The following RARB variants were observed in gnomAD, a reference collection of about 807,000 sequenced individuals.
RARB encodes the protein HBV-activated protein.
A neutral mutation model predicts 51.9 loss-of-function variants in RARB; 17 were observed. That is an observed-to-expected ratio of 0.33 (90% CI 0.22 to 0.49). The LOEUF (loss-of-function observed/expected upper bound fraction) is 0.49, where lower values mean the gene tolerates loss of function less well. Among genes scored for constraint, RARB ranks in the 20% least tolerant of loss-of-function variants. The pLI is 0.99. For missense variants in RARB, 369 were observed against 550.8 expected (o/e 0.67, Z 3.30); for synonymous variants, 215 against 195.4 (o/e 1.10, Z -0.84).
intron 5 of RARB, among the ~76,000 whole-genome samples, chr3:25,336,439 T>C (rs1348065747): frequency 6.6e-6 from 1 of 152,218 alleles, no homozygotes; most frequent in Admixed American, 6.5e-5. Flanking sequence ...ATTTTATTCA[T>C]TTAGTATTTG....
At chr3:24,910,690 A>G (rs902892739) in intron 2 of RARB, among the ~76,000 whole-genome samples, 3 of 152,086 alleles carry the variant, frequency 2.0e-5, no homozygotes, top group Admixed American at 1.3e-4. Flanking sequence ...TTTCAACCCT[A>G]TATTTTTCAA....
intron 5 of RARB, among the ~76,000 whole-genome samples, chr3:25,303,809 T>C (rs1302552682): frequency 6.6e-6 from 1 of 152,198 alleles, no homozygotes; most frequent in African/African-American, 2.4e-5. Flanking sequence ...AATGTTTTTA[T>C]TTTATTTTGC....
chr3:24,869,298 T>C (rs1265615218), intron 2 of RARB, among the ~76,000 whole-genome samples: 1 of 152,188 alleles, frequency 6.6e-6, no homozygotes, highest in Non-Finnish European at 1.5e-5. Flanking sequence ...AATATTTTGA[T>C]GTATTGGAAA....
At chr3:24,986,298 T>C (rs1051499011) in intron 2 of RARB, among the ~76,000 whole-genome samples, 2 of 152,238 alleles carry the variant, frequency 1.3e-5, no homozygotes, top group Non-Finnish European at 2.9e-5. Context: ...ATATGTGTTA[T>C]TATATGTGTA....
chr3:24,984,361 A>G (rs908187415), intron 2 of RARB, among the ~76,000 whole-genome samples: 1 of 152,260 alleles, frequency 6.6e-6, no homozygotes, highest in Non-Finnish European at 1.5e-5. Flanking sequence ...TTTAGTACAT[A>G]CCAGTGAGAA....
intron 4 of RARB, among the ~76,000 whole-genome samples, chr3:25,132,539 A>G (rs1374373979): frequency 1.3e-5 from 2 of 151,890 alleles, no homozygotes; most frequent in Admixed American, 6.6e-5. Flanking sequence ...TCCCTGTATT[A>G]TTGCAATTGA....
At chr3:24,959,732 A>T (rs560989658) in intron 2 of RARB, among the ~76,000 whole-genome samples, 268 of 152,274 alleles carry the variant, frequency 1.8e-3, no homozygotes, top group Non-Finnish European at 3.1e-3. Flanking sequence ...TGACAGTGTG[A>T]TCTTTCCTTG....
chr3:25,240,253 T>C (rs1477737350), intron 5 of RARB, among the ~76,000 whole-genome samples: 1 of 152,174 alleles, frequency 6.6e-6, no homozygotes. Context: ...TTTCTAGATA[T>C]AAGATGATGT....
At chr3:25,595,882 AG>A (rs1257093544) in intron 7 of RARB, among the ~76,000 whole-genome samples, 1 of 152,210 alleles carries the variant, frequency 6.6e-6, no homozygotes, top group Non-Finnish European at 1.5e-5. Context: ...TTCTTTCATC[AG>A]GAACTTCTCT....
At chr3:24,923,140 A>G (rs1211640052) in intron 2 of RARB, among the ~76,000 whole-genome samples, 1 of 152,140 alleles carries the variant, frequency 6.6e-6, no homozygotes, top group Non-Finnish European at 1.5e-5. Flanking sequence ...TTAGCACATT[A>G]TTTTTCCAGC....
Position 25,153,135 on chromosome 3 carries a change from A to AGTGTGTGT in RARB, c.-280+20945_-280+20952dup, listed in dbSNP as rs59786696. Among the ~76,000 whole-genome samples, 43 of 149,740 alleles carry AGTGTGTGT rather than the reference A, an allele frequency of 2.9e-4. 1 individual carries two copies. Among genetic ancestry groups the AGTGTGTGT allele is most frequent in the East Asian group, 1.4e-3 (7 of 5,050 alleles). On this transcript the variant is annotated intron_variant, in intron 4 of 11. Coordinates refer to the RARB transcript ENST00000383772. The stretch of plus-strand genomic sequence containing the variant: ...CAAACCAACCAAGTAATAGAGGCAG[A>AGTGTGTGT]GTGTGTGTGTGTGTGTGTGTGTGTG...
intron 1 of RARB, among the ~76,000 whole-genome samples, chr3:25,437,405 C>T (rs1013202097): frequency 2.0e-5 from 3 of 152,162 alleles, no homozygotes; most frequent in South Asian, 2.1e-4. Flanking sequence ...GTTTTTGCAA[C>T]GTGCCATTCA....
chr3:25,478,124 T>C (rs1250164883), intron 2 of RARB, among the ~76,000 whole-genome samples: 2 of 152,132 alleles, frequency 1.3e-5, no homozygotes, highest in Admixed American at 1.3e-4. Context: ...GAGGACAAGG[T>C]AGGAGCCACA....
chr3:25,337,253 T>G (rs922021847), intron 5 of RARB, among the ~76,000 whole-genome samples: 4 of 152,136 alleles, frequency 2.6e-5, no homozygotes, highest in African/African-American at 9.7e-5. Context: ...CACTACAGAA[T>G]AGCAAGGCAA....
chr3:25,174,439 C>A (rs1205977843), exon 5 of RARB: 1 of 1,352,138 alleles, frequency 7.4e-7, no homozygotes, highest in Admixed American at 1.9e-5. Context: ...CAGCAGTGAA[C>A]GGACACATGA....
chr3:24,915,340 T>G (rs2125382799), intron 2 of RARB, among the ~76,000 whole-genome samples: 1 of 152,356 alleles, frequency 6.6e-6, no homozygotes, highest in South Asian at 2.1e-4. Flanking sequence ...TGAAATATTT[T>G]AACACAAATC....
At chr3:24,877,346 CTTTT>C (rs66976672) in intron 2 of RARB, among the ~76,000 whole-genome samples, 20 of 81,906 alleles carry the variant, frequency 2.4e-4, no homozygotes, top group East Asian at 1.2e-3. Flanking sequence ...AGCAATCTTA[CTTTT>C]TTTTTTTTTT....
chr3:25,115,544 T>C (rs1280257564), intron 3 of RARB, among the ~76,000 whole-genome samples: 3 of 152,060 alleles, frequency 2.0e-5, no homozygotes, highest in African/African-American at 7.2e-5. Flanking sequence ...CTTCTTTCCT[T>C]CTTTGCTTCT....
intron 2 of RARB, among the ~76,000 whole-genome samples, chr3:24,883,576 T>A (rs926178755): frequency 6.6e-6 from 1 of 152,134 alleles, no homozygotes; most frequent in African/African-American, 2.4e-5. Context: ...CCATCAGTCT[T>A]GGCGATGGTT....
Sources: gnomAD v4.1 joint callset for allele counts (sites outside exome capture counted in the v4.1 genomes callset) on GRCh38, gnomAD v4.1.1 for gene constraint, MANE v1.5 for transcripts, NCBI Gene and HGNC (gene_info 2026-07-23, HGNC 2026-07-21) for gene names.